Variants in EIF2AK3 observed in about 807,000 individuals in gnomAD.
The protein encoded by EIF2AK3 is eukaryotic translation initiation factor 2-alpha kinase 3.
Under a neutral mutation model 113.5 loss-of-function variants are expected in EIF2AK3, and 50 were observed. The observed-to-expected ratio is 0.44, with a 90% confidence interval of 0.35 to 0.56. The LOEUF (loss-of-function observed/expected upper bound fraction) is 0.56, where lower values mean the gene tolerates loss of function less well. Ranked by LOEUF, EIF2AK3 falls within the 20% of genes least tolerant of loss-of-function variation. EIF2AK3 has a pLI of 0.00. For missense variants in EIF2AK3, 1,185 were observed against 1,378.0 expected (o/e 0.86, Z 2.22); for synonymous variants, 448 against 495.4 (o/e 0.90, Z 1.27).
chr2:88,581,783 A>T (rs575282116), intron 10 of EIF2AK3, among the ~76,000 whole-genome samples: 3 of 152,094 alleles, frequency 2.0e-5, no homozygotes, highest in Admixed American at 2.0e-4. Context: ...TCACCTAGTA[A>T]ATTTTGCTTT....
chr2:88,591,945 C>CA (rs1392879671), intron 4 of EIF2AK3, among the ~76,000 whole-genome samples: 18 of 152,086 alleles, frequency 1.2e-4, no homozygotes, highest in African/African-American at 4.1e-4. Context: ...TCTGTAAATG[C>CA]AAAGCCCTAT....
chr2:88,558,373 GA>G (rs1558641048), intron 16 of EIF2AK3, among the ~76,000 whole-genome samples: 1 of 152,046 alleles, frequency 6.6e-6, no homozygotes. Context: ...ATTTTAATTA[GA>G]AAAAATTATG....
In EIF2AK3 at chr2:88,570,795, T is replaced by C. The variant is rs912071600; in HGVS notation, c.2985+79A>G. On this transcript the variant is annotated intron_variant, in intron 14 of 16. Coordinates refer to ENST00000303236, the MANE Select transcript of EIF2AK3 (RefSeq NM_004836.7). ...ACTTACTGGGTTTTAGATTACTGGG[T>C]ATTTTAATGAAAACATGAGAAGAGA... is the stretch of plus-strand genomic sequence containing the variant. 9.6e-6 allele frequency: 15 copies of C among 1,557,508 alleles called. No individual in the cohort carries two copies. The Admixed American group carries it at 2.5e-4, about 26-fold the overall frequency.
At chr2:88,567,100 G>A (rs1382194898) in intron 14 of EIF2AK3, among the ~76,000 whole-genome samples, 1 of 151,862 alleles carries the variant, frequency 6.6e-6, no homozygotes. Context: ...TTTCTTTGTG[G>A]CCTAGAAGTT....
In EIF2AK3 at chr2:88,575,426, G is replaced by A. The variant is rs773112872; in HGVS notation, c.2057C>T (p.Ser686Phe). 1.2e-6 allele frequency: 2 copies of A among 1,608,818 alleles called. No individual in the cohort carries two copies. Among genetic ancestry groups the A allele is most frequent in the Non-Finnish European group, 1.7e-6 (2 of 1,179,982 alleles). The change falls in exon 13 of 17, where the codon TCT becomes TTT. Residue 686 changes from serine to phenylalanine, a missense_variant. Transcript: ENST00000303236. The stretch of plus-strand genomic sequence containing the variant: ...TGATGGTGCATCCATTGGGCTAGGA[G>A]AGCTGAGTGGCCAGTCTGTGCTAAA... ...KDESTDWPLS[S>F]PSPMDAPSVK...
rs565955206 is a variant in EIF2AK3, at chr2:88,567,475, G to A, written c.2985+3399C>T. The stretch of plus-strand genomic sequence containing the variant: ...CTTTATTTTCCATGTTCTTACCATC[G>A]TCCATTTCCTAATCTTTGTTAATTT... On this transcript the variant is annotated intron_variant, in intron 14 of 16. Transcript: ENST00000303236. Among the ~76,000 whole-genome samples, 7 of 152,060 alleles carry A rather than the reference G, an allele frequency of 4.6e-5. No individual in the cohort carries two copies. The South Asian group carries it at 6.2e-4, about 14-fold the overall frequency.
chr2:88,557,946 T>C lies in EIF2AK3; in HGVS notation c.3151-10A>G. The C allele has an allele frequency of 6.2e-7, 1 of 1,613,840 alleles. No homozygotes were observed. Among genetic ancestry groups the C allele is most frequent in the Non-Finnish European group, 8.5e-7 (1 of 1,179,768 alleles). On this transcript the variant is annotated splice_polypyrimidine_tract_variant and intron_variant, in intron 16 of 16. Transcript: ENST00000303236. ...CTTGAACCATCACGTACTGAAAATATAAAAATTGTTTTGTGATAAAACGGC... is the reference window on the plus strand; with the variant it reads ...CTTGAACCATCACGTACTGAAAATACAAAAATTGTTTTGTGATAAAACGGC...
chr2:88,597,547 G>A (rs1426747594), intron 2 of EIF2AK3, among the ~76,000 whole-genome samples: 1 of 152,086 alleles, frequency 6.6e-6, no homozygotes, highest in Admixed American at 6.6e-5. Flanking sequence ...CTCCCCCAAT[G>A]GGTGGAAATC....
intron 15 of EIF2AK3, among the ~76,000 whole-genome samples, chr2:88,561,907 A>G (rs761594254): frequency 6.6e-6 from 1 of 152,204 alleles, no homozygotes; most frequent in Non-Finnish European, 1.5e-5. Flanking sequence ...GGCTGTGGTC[A>G]TGGTTTATTT....
Position 88,590,576 on chromosome 2 carries a change from T to C in EIF2AK3, c.1032A>G (p.Leu344=), listed in dbSNP as rs750405429. 1 of 1,613,288 alleles carries C rather than the reference T, an allele frequency of 6.2e-7. No individual in the cohort carries two copies. ...TGGGAATGACTTTCCCATCCTTAAG[T>C]AACCAGGCAGATGCAATTGGAGTAC... ...QFCTPIASAW[L]LKDGKVIPIS... Residue 344 remains leucine (L), a synonymous_variant, in exon 6 of 17, where the codon TTA becomes TTG. Coordinates refer to ENST00000303236, the MANE Select transcript of EIF2AK3 (RefSeq NM_004836.7).
intron 1 of EIF2AK3, among the ~76,000 whole-genome samples, chr2:88,619,396 A>C (rs1157437313): frequency 6.6e-6 from 1 of 152,184 alleles, no homozygotes; most frequent in Non-Finnish European, 1.5e-5. Flanking sequence ...CTCCATCTAT[A>C]GTATGACAGC....
At chr2:88,594,830 T>TAAAAAAAAAAAAA (rs58582485) in intron 3 of EIF2AK3, among the ~76,000 whole-genome samples, 1 of 115,076 alleles carries the variant, frequency 8.7e-6, no homozygotes, top group East Asian at 2.9e-4. Flanking sequence ...TGTCAAAATG[T>TAAAAAAAAAAAAA]AAAAAAAAAA....
At chr2:88,567,108 G>A (rs1360528123) in intron 14 of EIF2AK3, among the ~76,000 whole-genome samples, 1 of 151,972 alleles carries the variant, frequency 6.6e-6, no homozygotes, top group Non-Finnish European at 1.5e-5. Context: ...TGGCCTAGAA[G>A]TTCAAAATGA....
rs756231274 is a variant in EIF2AK3 at position 88,590,987 on chromosome 2, A to T, written c.833T>A (p.Phe278Tyr). Residue 278 changes from phenylalanine to tyrosine, a missense_variant, in exon 5 of 17, where the codon TTT becomes TAT. Phe to Tyr is a conservative substitution (Grantham distance 22). Coordinates refer to ENST00000303236, the MANE Select transcript of EIF2AK3 (RefSeq NM_004836.7). ...YIPDMETRAG[F>Y]IESTFKPNEN... ...ATTGGGCTTAAAGGTGCTTTCAATA[A>T]ATCCGGCTCTCGTTTCCATGTCTGG... 5.0e-6 allele frequency: 8 copies of T among 1,614,018 alleles called. No individual in the cohort carries two copies. The highest frequency in any genetic ancestry group is 6.8e-6 in the Non-Finnish European group (8 of 1,179,992).
At chr2:88,587,907 C>T (rs1208039698) in intron 8 of EIF2AK3, 75 bp downstream of exon 8, 14 of 1,043,006 alleles carry the variant, frequency 1.3e-5, no homozygotes, top group South Asian at 3.2e-5. Context: ...ATACTCTAAT[C>T]GACTTTTCTT....
intron 1 of EIF2AK3, among the ~76,000 whole-genome samples, chr2:88,615,374 A>C (rs1234823987): frequency 6.6e-6 from 1 of 152,246 alleles, no homozygotes; most frequent in Non-Finnish European, 1.5e-5. Context: ...CCACCAAAAA[A>C]TTCATAAGTT....
chr2:88,626,611 G>A (rs925333266), intron 1 of EIF2AK3, among the ~76,000 whole-genome samples: 3 of 152,260 alleles, frequency 2.0e-5, no homozygotes, highest in African/African-American at 7.2e-5. Flanking sequence ...GACAGGAGGT[G>A]ATGTGCGTAA....
At chr2:88,613,558 G>A (rs1486525510) in intron 2 of EIF2AK3, among the ~76,000 whole-genome samples, 166 bp downstream of exon 2, 2 of 152,138 alleles carry the variant, frequency 1.3e-5, no homozygotes, top group Non-Finnish European at 2.9e-5. Context: ...CATTTCACAA[G>A]AGGGGAACTG....
chr2:88,559,061 C>CT, intron 15 of EIF2AK3, 82 bp from the exon 16 acceptor site: 1 of 931,242 alleles, frequency 1.1e-6, no homozygotes, highest in African/African-American at 1.7e-5. Flanking sequence ...AACAAAATGA[C>CT]TAAGAGGTTG....
Sources: allele counts gnomAD v4.1 joint callset (sites outside exome capture counted in the v4.1 genomes callset), GRCh38; gene constraint gnomAD v4.1.1; transcripts MANE v1.5; gene names NCBI Gene and HGNC (gene_info 2026-07-23, HGNC 2026-07-21).